LRP1B: variants seen among roughly 807,000 people sequenced by gnomAD.
The protein encoded by LRP1B is LDL receptor related protein 1B, also known as low-density lipoprotein receptor-related protein 1B.
In LRP1B, 217 loss-of-function variants were observed where a neutral mutation model predicts 556.6. The ratio of observed to expected loss-of-function variants is 0.39; its 90% CI spans 0.35 to 0.44. The LOEUF is 0.44. Among genes scored for constraint, LRP1B ranks in the 20% least tolerant of loss-of-function variants. The pLI, the probability that LRP1B is intolerant of heterozygous loss-of-function variation, is 1.00. For missense variants in LRP1B, 5,053 were observed against 5,620.8 expected (o/e 0.90, Z 3.23); for synonymous variants, 2,047 against 1,865.8 (o/e 1.10, Z -2.50).
rs185051368 is a variant in LRP1B at position 140,393,886 on chromosome 2, T to G, written c.10415-7877A>C. On this transcript the variant is annotated intron_variant, in intron 66 of 90. Transcript: ENST00000389484. ...CTCTTAACTATCAAAGCATGACCTT[T>G]TATAGAGAAGTCATTATTTTCTCTT... Among the ~76,000 whole-genome samples the G allele has an allele frequency of 2.7e-3, 416 of 152,266 alleles. 3 individuals are homozygous for G. Among genetic ancestry groups the G allele is most frequent in the African/African-American group, 9.3e-3 (388 of 41,578 alleles).
intron 3 of LRP1B, among the ~76,000 whole-genome samples, chr2:141,417,930 A>G (rs1411450222): frequency 6.6e-6 from 1 of 152,060 alleles, no homozygotes; most frequent in Non-Finnish European, 1.5e-5. Context: ...CCTTATAGCT[A>G]TGAGGTAATA....
At chr2:141,063,466 A>C (rs886709732) in intron 7 of LRP1B, among the ~76,000 whole-genome samples, 1 of 151,878 alleles carries the variant, frequency 6.6e-6, no homozygotes, top group Admixed American at 6.6e-5. Context: ...ATGTTCTTGA[A>C]AGATCAGTTT....
intron 11 of LRP1B, among the ~76,000 whole-genome samples, chr2:141,031,954 T>G (rs1200050345): frequency 6.6e-6 from 1 of 152,026 alleles, no homozygotes. Flanking sequence ...CACGGTTACC[T>G]ATAATCACAT....
intron 6 of LRP1B, among the ~76,000 whole-genome samples, chr2:141,219,793 C>T (rs994858856): frequency 6.6e-6 from 1 of 152,030 alleles, no homozygotes; most frequent in African/African-American, 2.4e-5. Flanking sequence ...CAGGAGGGAC[C>T]CAGGTGAATT....
At chr2:141,467,824 T>G (rs1400493619) in intron 3 of LRP1B, among the ~76,000 whole-genome samples, 1 of 22,256 alleles carries the variant, frequency 4.5e-5, no homozygotes, top group South Asian at 1.5e-3. Flanking sequence ...TTTGTTTGTT[T>G]GTTTGTTTGC....
chr2:142,089,447 T>C (rs1004125402), intron 1 of LRP1B, among the ~76,000 whole-genome samples: 1 of 152,146 alleles, frequency 6.6e-6, no homozygotes, highest in Non-Finnish European at 1.5e-5. Flanking sequence ...TCTTGGAAAA[T>C]ATCACAATGT....
intron 3 of LRP1B, among the ~76,000 whole-genome samples, chr2:141,259,145 C>A (rs1471637247): frequency 6.6e-6 from 1 of 152,122 alleles, no homozygotes; most frequent in African/African-American, 2.4e-5. Context: ...AAATAGATAT[C>A]TTTGTATTAT....
intron 5 of LRP1B, among the ~76,000 whole-genome samples, chr2:141,239,480 G>T (rs979841032): frequency 6.6e-6 from 1 of 152,050 alleles, no homozygotes; most frequent in Admixed American, 6.6e-5. Context: ...CAACTTGCTT[G>T]TATGCTGATG....
chr2:140,305,661 T>G (rs989698156), intron 83 of LRP1B, among the ~76,000 whole-genome samples: 1 of 152,134 alleles, frequency 6.6e-6, no homozygotes, highest in Non-Finnish European at 1.5e-5. Context: ...TCCTGCCTGA[T>G]TGCCCTGGCC....
intron 31 of LRP1B, among the ~76,000 whole-genome samples, chr2:140,832,634 G>A (rs769196694): frequency 9.9e-5 from 15 of 152,120 alleles, no homozygotes; most frequent in Non-Finnish European, 1.6e-4. Context: ...AGAAATTGGC[G>A]AGGCACAGAA....
At chr2:141,819,744 T>C (rs192344185) in intron 1 of LRP1B, among the ~76,000 whole-genome samples, 157 of 152,314 alleles carry the variant, frequency 1.0e-3, no homozygotes, top group African/African-American at 3.6e-3. Flanking sequence ...AGGAGGATAT[T>C]GGACGTTCCC....
chr2:141,668,224 C>T (rs1378025410), intron 2 of LRP1B, among the ~76,000 whole-genome samples: 1 of 152,164 alleles, frequency 6.6e-6, no homozygotes, highest in Non-Finnish European at 1.5e-5. Context: ...GGAATGTCCT[C>T]ACCCCTCTTC....
chr2:140,315,701 T>C (rs912115792), intron 82 of LRP1B, among the ~76,000 whole-genome samples: 12 of 152,214 alleles, frequency 7.9e-5, no homozygotes, highest in Admixed American at 7.9e-4. Context: ...TTAGGAGTAG[T>C]TGCTATTAAA....
At chr2:140,907,793 G>A (rs1694299667) in intron 22 of LRP1B, 84 bp downstream of exon 22, 3 of 1,148,972 alleles carry the variant, frequency 2.6e-6, no homozygotes, top group Non-Finnish European at 3.9e-6. Context: ...TGAAAGGAAT[G>A]AATGCTACTA....
intron 21 of LRP1B, among the ~76,000 whole-genome samples, chr2:140,919,864 CATT>C (rs1486999511): frequency 2.0e-5 from 3 of 152,086 alleles, no homozygotes; most frequent in African/African-American, 7.2e-5. Context: ...GTTTTAATGA[CATT>C]AGAATACTTG....
chr2:140,304,678 T>A (rs981840416), intron 83 of LRP1B, among the ~76,000 whole-genome samples: 11 of 152,210 alleles, frequency 7.2e-5, no homozygotes, highest in Non-Finnish European at 1.6e-4. Context: ...CGTTTGTCAA[T>A]TCTGGCTTTT....
intron 8 of LRP1B, among the ~76,000 whole-genome samples, chr2:141,061,663 T>C (rs1699339096): frequency 6.6e-6 from 1 of 151,838 alleles, no homozygotes; most frequent in Non-Finnish European, 1.5e-5. Context: ...GCAAAATATC[T>C]CCAACGCCAC....
intron 84 of LRP1B, among the ~76,000 whole-genome samples, chr2:140,278,218 AAGG>A (rs1271295758): frequency 2.0e-5 from 3 of 152,000 alleles, no homozygotes; most frequent in East Asian, 1.9e-4. Context: ...GGAGAGGAGA[AAGG>A]AGAGTGATGA....
chr2:140,897,122 T>G (rs1693976687), intron 23 of LRP1B, among the ~76,000 whole-genome samples: 1 of 152,228 alleles, frequency 6.6e-6, no homozygotes, highest in Admixed American at 6.5e-5. Flanking sequence ...ATTGTAACTT[T>G]AAAAGATGAA....
Sources: allele counts gnomAD v4.1 joint callset (sites outside exome capture counted in the v4.1 genomes callset), GRCh38; gene constraint gnomAD v4.1.1; transcripts MANE v1.5; gene names NCBI Gene and HGNC (gene_info 2026-07-23, HGNC 2026-07-21).